The following PRKAR1A variants were observed in gnomAD, a reference collection of about 807,000 sequenced individuals.
PRKAR1A encodes cAMP-dependent protein kinase type I-alpha regulatory subunit.
PRKAR1A carries 3 observed loss-of-function variants against 52.0 expected under a neutral mutation model. That is an observed-to-expected ratio of 0.06 (90% CI 0.03 to 0.15). PRKAR1A has a LOEUF of 0.15. PRKAR1A is among the 10% of genes least tolerant of loss of function. The pLI is 1.00. For missense variants in PRKAR1A, 240 were observed against 477.4 expected, an observed-to-expected ratio of 0.50 and a Z score of 4.63; for synonymous variants, 188 against 168.4, an observed-to-expected ratio of 1.12 and a Z score of -0.90.
chr17:68,469,933 T>C, the PRKAR1A span, among the ~76,000 whole-genome samples: 8 of 152,154 alleles, frequency 5.3e-5, no homozygotes, highest in Non-Finnish European at 1.2e-4. Flanking sequence ...TTTTTGCATA[T>C]CTCTTTCATG....
At chr17:68,499,726 A>C in the PRKAR1A span, among the ~76,000 whole-genome samples, 42 of 152,360 alleles carry the variant, frequency 2.8e-4, no homozygotes, top group South Asian at 6.2e-4. Context: ...CTCTAGAGTT[A>C]AGATTGCCAC....
At chr17:68,546,931 T>C (rs969848000) in intron 11 of PRKAR1A, among the ~76,000 whole-genome samples, 1 of 152,062 alleles carries the variant, frequency 6.6e-6, no homozygotes, top group Non-Finnish European at 1.5e-5. Flanking sequence ...AAAACAACAT[T>C]AGTCTCCTCG....
the PRKAR1A span, chr17:68,430,039 G>A: frequency 2.0e-5 from 33 of 1,614,192 alleles, no homozygotes; most frequent in African/African-American, 1.3e-4. Flanking sequence ...AAGTTCAAGC[G>A]TGCAGTGGCA....
At chr17:68,494,810 C>A in the PRKAR1A span, among the ~76,000 whole-genome samples, 2 of 152,086 alleles carry the variant, frequency 1.3e-5, no homozygotes, top group African/African-American at 4.8e-5. Context: ...TGAATGCCAC[C>A]CCTGACCTCA....
chr17:68,497,648 T>C, the PRKAR1A span, among the ~76,000 whole-genome samples: 4 of 152,182 alleles, frequency 2.6e-5, no homozygotes, highest in African/African-American at 9.7e-5. Flanking sequence ...CCAAGTGCCG[T>C]GCTAAGAGAA....
At chr17:68,484,593 A>G in the PRKAR1A span, among the ~76,000 whole-genome samples, 1 of 152,096 alleles carries the variant, frequency 6.6e-6, no homozygotes, top group South Asian at 2.1e-4. Context: ...AAGAGTGATG[A>G]GAGTGGATGA....
chr17:68,543,223 C>T (rs1017226623), intron 11 of PRKAR1A, among the ~76,000 whole-genome samples: 2 of 152,054 alleles, frequency 1.3e-5, no homozygotes, highest in Non-Finnish European at 2.9e-5. Context: ...ACGCTACAGA[C>T]CACACTTTGG....
chr17:68,502,755 G>GAAAAA, the PRKAR1A span, among the ~76,000 whole-genome samples: 12 of 86,292 alleles, frequency 1.4e-4, no homozygotes, highest in African/African-American at 5.4e-4. Flanking sequence ...TTCATCTCAG[G>GAAAAA]AAAAAAAAAA....
the PRKAR1A span, among the ~76,000 whole-genome samples, chr17:68,483,758 G>A: frequency 6.6e-6 from 1 of 152,080 alleles, no homozygotes; most frequent in Non-Finnish European, 1.5e-5. Context: ...CTACTTGGGA[G>A]GCTGAGGCAG....
Position 68,529,833 on chromosome 17 carries a change from G to T in PRKAR1A, c.892-87G>T, listed in dbSNP as rs569876218. The T allele has an allele frequency of 6.6e-6, 8 of 1,206,788 alleles. No individual in the cohort carries two copies. In the African/African-American group the frequency reaches 1.0e-4, roughly 16 times the overall value. 74.8% of individuals were successfully genotyped at this position (1,206,788 alleles called of 1,614,324 possible). ...TTTTATCATATGCACACATTTGCAA[G>T]GTAGTTAAAATTGCATAGGATGTTT... On this transcript the variant is annotated intron_variant, in intron 9 of 10. Transcript: ENST00000589228.
At chr17:68,442,464 CAAAAAAAAAAA>C in the PRKAR1A span, among the ~76,000 whole-genome samples, 2 of 62,772 alleles carry the variant, frequency 3.2e-5, no homozygotes, top group East Asian at 8.3e-4. Context: ...GACTGTGTCT[CAAAAAAAAAAA>C]AAAAAAAAGG....
chr17:68,483,181 C>T, the PRKAR1A span, among the ~76,000 whole-genome samples: 1 of 151,632 alleles, frequency 6.6e-6, no homozygotes, highest in Non-Finnish European at 1.5e-5. Context: ...TACAAATCAT[C>T]AAATTGCTCC....
chr17:68,501,469 T>A, the PRKAR1A span, among the ~76,000 whole-genome samples: 1 of 152,178 alleles, frequency 6.6e-6, no homozygotes, highest in Non-Finnish European at 1.5e-5. Context: ...TCTCTCTCTC[T>A]TTTTGAGACA....
chr17:68,454,448 C>G, the PRKAR1A span, among the ~76,000 whole-genome samples: 1 of 152,170 alleles, frequency 6.6e-6, no homozygotes, highest in Non-Finnish European at 1.5e-5. Context: ...TTGTTCTTCC[C>G]TGGGACACAG....
chr17:68,459,901 A>T, the PRKAR1A span, among the ~76,000 whole-genome samples: 1 of 151,376 alleles, frequency 6.6e-6, no homozygotes, highest in Non-Finnish European at 1.5e-5. Flanking sequence ...GCTCACTGCA[A>T]CCTCTCCATC....
At chr17:68,416,602 A>G in the PRKAR1A span, among the ~76,000 whole-genome samples, 1 of 152,148 alleles carries the variant, frequency 6.6e-6, no homozygotes, top group African/African-American at 2.4e-5. Context: ...AGGAACACCA[A>G]TTATTCTTAG....
chr17:68,522,680 G>C, intron 2 of PRKAR1A, 76 bp from the exon 3 acceptor site: 5 of 1,465,954 alleles, frequency 3.4e-6, no homozygotes, highest in Non-Finnish European at 4.7e-6. Context: ...GACTGAGATA[G>C]ACTATCATTG....
chr17:68,511,373 TAGAC>T (rs908940726), upstream of PRKAR1A, among the ~76,000 whole-genome samples: 18 of 152,236 alleles, frequency 1.2e-4, no homozygotes, highest in African/African-American at 4.1e-4. Flanking sequence ...TCTTCCTCCT[TAGAC>T]AGATACTCTG....
chr17:68,479,668 A>C, the PRKAR1A span, among the ~76,000 whole-genome samples: 119,062 of 152,146 alleles, frequency 0.78, 47,407 homozygotes, highest in African/African-American at 0.91. Flanking sequence ...CACATTTTCT[A>C]TTTTTCTGCA....
Sources: gnomAD v4.1 joint callset for allele counts (sites outside exome capture counted in the v4.1 genomes callset) on GRCh38, gnomAD v4.1.1 for gene constraint, MANE v1.5 for transcripts, NCBI Gene and HGNC (gene_info 2026-07-23, HGNC 2026-07-21) for gene names.